The following LIMK2 variants were observed in gnomAD, a reference collection of about 807,000 sequenced individuals.
LIMK2 encodes the protein LIM domain kinase 2.
Under a neutral mutation model 75.7 loss-of-function variants are expected in LIMK2, and 35 were observed. The ratio of observed to expected loss-of-function variants is 0.46; its 90% confidence interval spans 0.35 to 0.61. LIMK2 has a LOEUF of 0.61. LIMK2 is among the 20% of genes least tolerant of loss of function. The pLI is 0.00. For synonymous variants in LIMK2, 301 were observed against 319.2 expected, an observed-to-expected ratio of 0.94 and a Z score of 0.61; for missense variants, 623 against 831.0, an observed-to-expected ratio of 0.75 and a Z score of 3.08.
chr22:31,238,780 A>G (rs2048601001), intron 2 of LIMK2, among the ~76,000 whole-genome samples: 1 of 152,182 alleles, frequency 6.6e-6, no homozygotes, highest in African/African-American at 2.4e-5. Flanking sequence ...GGCTTGCCTA[A>G]GATCACACGC....
chr22:31,225,592 C>G, intron 1 of LIMK2, 128 bp from the exon 2 acceptor site: 1 of 658,854 alleles, frequency 1.5e-6, no homozygotes, highest in Non-Finnish European at 2.8e-6. Context: ...AACTGTGCAT[C>G]TAGCAGAGCA....
At chr22:31,236,398 A>G (rs955922334) in intron 2 of LIMK2, among the ~76,000 whole-genome samples, 25 of 151,420 alleles carry the variant, frequency 1.7e-4, no homozygotes, top group African/African-American at 5.6e-4. Context: ...GCTTGAACTC[A>G]GGAGTTTCAA....
chr22:31,220,319 C>T (rs2048423061), intron 1 of LIMK2, among the ~76,000 whole-genome samples: 1 of 152,128 alleles, frequency 6.6e-6, no homozygotes, highest in African/African-American at 2.4e-5. Flanking sequence ...GGAGCCAGAA[C>T]AGTTATTCCA....
intron 1 of LIMK2, among the ~76,000 whole-genome samples, chr22:31,225,505 G>C (rs1333881180): frequency 6.6e-6 from 1 of 152,238 alleles, no homozygotes; most frequent in Non-Finnish European, 1.5e-5. Flanking sequence ...GACTACTTTT[G>C]AGGCCATGAG....
intron 2 of LIMK2, among the ~76,000 whole-genome samples, chr22:31,229,383 A>G (rs2048506922): frequency 1.3e-5 from 2 of 152,168 alleles, no homozygotes; most frequent in African/African-American, 2.4e-5. Context: ...CTTCAGGGCT[A>G]GGAAGGATTG....
chr22:31,228,392 C>G (rs1212253042), intron 2 of LIMK2, among the ~76,000 whole-genome samples: 3 of 152,008 alleles, frequency 2.0e-5, no homozygotes, highest in African/African-American at 7.2e-5. Flanking sequence ...ACAGTCTAGC[C>G]TGGGCAACAA....
Position 31,276,680 on chromosome 22 carries a change from G to A in LIMK2, c.1772+1372G>A, listed in dbSNP as rs1305644675. 6.4e-6 allele frequency: 7 copies of A among 1,100,792 alleles called. No homozygotes were observed. The African/African-American group carries it at 6.8e-5, about 11-fold the overall frequency. 68.2% of individuals were successfully genotyped at this position (1,100,792 alleles called of 1,614,324 possible). On this transcript the variant is annotated intron_variant, in intron 15 of 15. Coordinates refer to ENST00000331728, the MANE Select transcript of LIMK2 (RefSeq NM_005569.4). The stretch of plus-strand genomic sequence containing the variant: ...GGGCCCCACGCGCGCACGTGGCCCC[G>A]GAGGCCGCCGTGGCGGACAGCGGCA...
chr22:31,234,773 C>A (rs998981261), intron 2 of LIMK2, among the ~76,000 whole-genome samples: 2 of 151,684 alleles, frequency 1.3e-5, no homozygotes, highest in Non-Finnish European at 2.9e-5. Context: ...TAGAGCCCTC[C>A]GTAATGTGGC....
At chr22:31,222,372 C>CTTTT (rs3068235) in intron 1 of LIMK2, among the ~76,000 whole-genome samples, 8 of 55,198 alleles carry the variant, frequency 1.4e-4, no homozygotes, top group Admixed American at 2.8e-4. Flanking sequence ...TGCCCAGCCT[C>CTTTT]TTTTTTTTTT....
chr22:31,225,753 A>G lies in LIMK2; in HGVS notation c.50A>G (p.Asp17Gly). 1 of 1,614,020 alleles carries G rather than the reference A, an allele frequency of 6.2e-7. No homozygotes were observed. Among genetic ancestry groups the G allele is most frequent in the African/African-American group, 1.3e-5 (1 of 75,034 alleles). ...EDVWRCPGCGDHIAPSQIWYR... is the reference protein window; with the variant it reads ...EDVWRCPGCGGHIAPSQIWYR... Reference sequence around the variant, plus strand: ...GTCTGGAGGTGTCCAGGCTGTGGGGACCACATTGCTCCAAGCCAGATATGG... The same window carrying G: ...GTCTGGAGGTGTCCAGGCTGTGGGGGCCACATTGCTCCAAGCCAGATATGG... Residue 17 changes from aspartate (D) to glycine (G), a missense_variant, in exon 2 of 16, where the codon GAC (aspartate) becomes GGC (glycine). Transcript: ENST00000331728.
intron 2 of LIMK2, among the ~76,000 whole-genome samples, chr22:31,256,792 A>C (rs552709761): frequency 1.3e-5 from 2 of 152,300 alleles, no homozygotes; most frequent in South Asian, 4.1e-4. Context: ...GCAATGTTCA[A>C]ACCTCTTGGA....
In LIMK2 at chr22:31,275,261, C is replaced by G; in HGVS notation, c.1725C>G (p.Ala575=). ...EKFVPTDCPP[A]FFPLAAICCR... ...TTGTTCCCACAGATTGTCCCCCGGC[C>G]TTCTTCCCGCTGGCCGCCATCTGCT... The change falls in exon 15 of 16, where the codon GCC becomes GCG. Residue 575 remains alanine (A), a synonymous_variant. Coordinates refer to ENST00000331728, the MANE Select transcript of LIMK2 (RefSeq NM_005569.4). 6.2e-7 allele frequency: 1 copy of G among 1,614,232 alleles called. No homozygotes were observed. The highest frequency in any genetic ancestry group is 8.5e-7 in the Non-Finnish European group (1 of 1,180,046).
intron 1 of LIMK2, among the ~76,000 whole-genome samples, chr22:31,214,865 G>A (rs890100283): frequency 6.6e-6 from 1 of 152,144 alleles, no homozygotes; most frequent in Non-Finnish European, 1.5e-5. Context: ...GCGCGATCCA[G>A]ACTCACTGTA....
intron 2 of LIMK2, among the ~76,000 whole-genome samples, chr22:31,228,068 T>G (rs2048495073): frequency 6.6e-6 from 1 of 151,196 alleles, no homozygotes; most frequent in Admixed American, 6.6e-5. Context: ...GACAGAAAGA[T>G]AACATATGTA....
intron 1 of LIMK2, among the ~76,000 whole-genome samples, chr22:31,225,511 A>G (rs1306224209): frequency 6.6e-6 from 1 of 152,252 alleles, no homozygotes; most frequent in Non-Finnish European, 1.5e-5. Flanking sequence ...TTTTGAGGCC[A>G]TGAGTTCCTT....
chr22:31,277,454 T>TA lies in LIMK2; in HGVS notation c.1773-842dup, dbSNP rs1429213326. Reference sequence around the variant, plus strand: ...AAAAATGATTTCCAGCGGTCCACATTAGAGTTGAAATTTTCTGGTGGGAGA... The same window carrying TA: ...AAAAATGATTTCCAGCGGTCCACATTAAGAGTTGAAATTTTCTGGTGGGAGA... On this transcript the variant is annotated intron_variant, in intron 15 of 15. Transcript: ENST00000331728. 9.6e-5 allele frequency: 109 copies of TA among 1,134,046 alleles called. 1 individual carries two copies. The Middle Eastern group carries it at 3.8e-3, about 39-fold the overall frequency. 70.2% of individuals were successfully genotyped at this position (1,134,046 alleles called of 1,614,324 possible).
chr22:31,227,452 A>G (rs1420388290), intron 2 of LIMK2, among the ~76,000 whole-genome samples: 1 of 152,218 alleles, frequency 6.6e-6, no homozygotes, highest in African/African-American at 2.4e-5. Context: ...AGAGTTGGAA[A>G]GCAACCATCA....
At chr22:31,276,978 G>C in intron 15 of LIMK2, 2 of 1,613,994 alleles carry the variant, frequency 1.2e-6, no homozygotes, top group Non-Finnish European at 1.7e-6. Flanking sequence ...CAGAACTAGA[G>C]ATTGACGTGG....
At chr22:31,248,415 G>A (rs541357966) in intron 2 of LIMK2, 2 of 1,408,266 alleles carry the variant, frequency 1.4e-6, no homozygotes, top group Non-Finnish European at 1.9e-6. Context: ...AAGAATGCCA[G>A]TGTGTGTGTA....
Sources: gnomAD v4.1 joint callset for allele counts (sites outside exome capture counted in the v4.1 genomes callset) on GRCh38, gnomAD v4.1.1 for gene constraint, MANE v1.5 for transcripts, NCBI Gene and HGNC (gene_info 2026-07-23, HGNC 2026-07-21) for gene names.